GALNT13: variants seen among roughly 807,000 people sequenced by gnomAD.
GALNT13 encodes UDP-GalNAc:polypeptide N-acetylgalactosaminyltransferase 13.
In GALNT13, 28 loss-of-function variants were observed where a neutral mutation model predicts 64.2. The observed-to-expected ratio is 0.44, with a 90% confidence interval of 0.32 to 0.60. The LOEUF is 0.60. Ranked by LOEUF, GALNT13 falls within the 20% of genes least tolerant of loss-of-function variation. The pLI is 0.05. For synonymous variants in GALNT13, 214 were observed against 224.6 expected (o/e 0.95, Z 0.42); for missense variants, 577 against 669.8 (o/e 0.86, Z 1.53).
intron 3 of GALNT13, among the ~76,000 whole-genome samples, chr2:154,106,666 C>T (rs1288012282): frequency 6.6e-6 from 1 of 151,754 alleles, no homozygotes; most frequent in Non-Finnish European, 1.5e-5. Context: ...GTGAGTCTTA[C>T]TTTTTTTCTT....
intron 3 of GALNT13, among the ~76,000 whole-genome samples, chr2:154,087,296 T>C (rs929940705): frequency 1.3e-5 from 2 of 152,082 alleles, no homozygotes; most frequent in Admixed American, 6.6e-5. Context: ...AACAGTATGG[T>C]ACATATTTTT....
the GALNT13 span, among the ~76,000 whole-genome samples, chr2:153,661,654 TCTTG>T: frequency 1.3e-5 from 2 of 152,208 alleles, no homozygotes; most frequent in Non-Finnish European, 2.9e-5. Flanking sequence ...ATAATTTATA[TCTTG>T]CTTGCTTCAT....
chr2:153,082,057 A>C, the GALNT13 span, among the ~76,000 whole-genome samples: 3 of 152,178 alleles, frequency 2.0e-5, no homozygotes, highest in African/African-American at 7.2e-5. Context: ...GTTGGATATA[A>C]GCAGTTTTAA....
At chr2:153,888,279 T>C (rs1470891164) in intron 1 of GALNT13, among the ~76,000 whole-genome samples, 1 of 152,044 alleles carries the variant, frequency 6.6e-6, no homozygotes, top group Non-Finnish European at 1.5e-5. Context: ...AAGTTTTAAA[T>C]GTAACCTACA....
intron 3 of GALNT13, among the ~76,000 whole-genome samples, chr2:154,083,944 C>T (rs536779702): frequency 4.6e-5 from 7 of 151,818 alleles, no homozygotes; most frequent in South Asian, 4.2e-4. Flanking sequence ...ATGATTCAAA[C>T]GTGATGTTTT....
At chr2:154,216,049 T>C (rs1359889559) in intron 4 of GALNT13, among the ~76,000 whole-genome samples, 3 of 152,110 alleles carry the variant, frequency 2.0e-5, no homozygotes, top group Non-Finnish European at 4.4e-5. Context: ...ATATTTTCTT[T>C]ACCATTTGTT....
chr2:154,012,757 A>G (rs1164350196), intron 3 of GALNT13, among the ~76,000 whole-genome samples: 1 of 151,972 alleles, frequency 6.6e-6, no homozygotes, highest in Non-Finnish European at 1.5e-5. Context: ...GGTTTTGTTC[A>G]TTCTTTTTTA....
At chr2:153,677,600 A>C in the GALNT13 span, among the ~76,000 whole-genome samples, 2 of 152,142 alleles carry the variant, frequency 1.3e-5, no homozygotes, top group Non-Finnish European at 2.9e-5. Context: ...CTGAATATCC[A>C]AGACAATCCT....
intron 4 of GALNT13, among the ~76,000 whole-genome samples, chr2:154,221,593 C>G (rs1419165083): frequency 1.3e-5 from 2 of 151,994 alleles, no homozygotes; most frequent in African/African-American, 4.8e-5. Flanking sequence ...GTAGGTTCTC[C>G]TTAGAGAATG....
the GALNT13 span, among the ~76,000 whole-genome samples, chr2:153,757,326 A>G: frequency 3.3e-5 from 5 of 152,098 alleles, no homozygotes; most frequent in African/African-American, 1.2e-4. Context: ...ACACTCATAT[A>G]TGTTGTTGCA....
the GALNT13 span, among the ~76,000 whole-genome samples, chr2:153,861,135 A>T: frequency 1.3e-5 from 2 of 152,210 alleles, no homozygotes; most frequent in Non-Finnish European, 2.9e-5. Context: ...ACTTTTAAAA[A>T]TGCAAGGACT....
intron 3 of GALNT13, among the ~76,000 whole-genome samples, chr2:153,972,214 G>A (rs192352999): frequency 6.6e-6 from 1 of 152,118 alleles, no homozygotes; most frequent in Admixed American, 6.6e-5. Context: ...CAAGTTTGTG[G>A]TAATTTGTTT....
the GALNT13 span, chr2:153,762,145 A>G: frequency 6.6e-6 from 1 of 152,218 alleles, no homozygotes; most frequent in Non-Finnish European, 1.5e-5. Flanking sequence ...GAACCATCCC[A>G]GGCCCTATTG....
intron 11 of GALNT13, among the ~76,000 whole-genome samples, chr2:154,419,870 T>C (rs533981809): frequency 4.6e-5 from 7 of 152,198 alleles, no homozygotes; most frequent in African/African-American, 9.6e-5. Context: ...TCAGTGCAAA[T>C]AGTAGGACAA....
chr2:153,778,983 T>A, the GALNT13 span, among the ~76,000 whole-genome samples: 1 of 152,340 alleles, frequency 6.6e-6, no homozygotes, highest in African/African-American at 2.4e-5. Flanking sequence ...TCACTAGCTG[T>A]GTGGTCTTGG....
chr2:153,413,750 A>C, the GALNT13 span, among the ~76,000 whole-genome samples: 1 of 152,182 alleles, frequency 6.6e-6, no homozygotes, highest in Admixed American at 6.5e-5. Context: ...TTTGTAGAAA[A>C]AGGTCATTTT....
chr2:153,265,715 A>T, the GALNT13 span, among the ~76,000 whole-genome samples: 2 of 152,202 alleles, frequency 1.3e-5, no homozygotes, highest in Admixed American at 6.5e-5. Flanking sequence ...GTTCCTGTGC[A>T]GAAGATTATT....
chr2:153,325,367 T>C, the GALNT13 span, among the ~76,000 whole-genome samples: 1 of 152,062 alleles, frequency 6.6e-6, no homozygotes, highest in African/African-American at 2.4e-5. Context: ...TTTTATTGTG[T>C]CTGTTTGATT....
chr2:153,345,547 T>C, the GALNT13 span, among the ~76,000 whole-genome samples: 2 of 152,176 alleles, frequency 1.3e-5, no homozygotes, highest in African/African-American at 4.8e-5. Context: ...GTAGGGGGCA[T>C]ACTTAGACTT....
Sources: allele counts gnomAD v4.1 joint callset (sites outside exome capture counted in the v4.1 genomes callset), GRCh38; gene constraint gnomAD v4.1.1; transcripts MANE v1.5; gene names NCBI Gene and HGNC (gene_info 2026-07-23, HGNC 2026-07-21).